FREM2: variants seen among roughly 807,000 people sequenced by gnomAD.
FREM2 encodes the protein FRAS1 related extracellular matrix 2, also known as FRAS1-related extracellular matrix protein 2.
A neutral mutation model predicts 219.9 loss-of-function variants in FREM2; 119 were observed. The ratio of observed to expected loss-of-function variants is 0.54; its 90% CI spans 0.47 to 0.63. FREM2 has a LOEUF of 0.63. FREM2 is among the 30% of genes least tolerant of loss of function. The probability of loss-of-function intolerance (pLI) is 0.00; values close to 1 mark genes in which losing one functional copy is unlikely to be tolerated. For missense variants in FREM2, 4,030 were observed against 3,993.6 expected, an observed-to-expected ratio of 1.01 and a Z score of -0.25; for synonymous variants, 1,562 against 1,522.8, an observed-to-expected ratio of 1.03 and a Z score of -0.60.
chr13:38,864,647 C>T (rs1259919189), intron 16 of FREM2, 41 bp downstream of exon 16: 2 of 1,553,306 alleles, frequency 1.3e-6, no homozygotes, highest in Non-Finnish European at 1.8e-6. Context: ...CTGGATAAAC[C>T]AATTGGTTTG....
chr13:38,757,429 T>G (rs1873056800), intron 2 of FREM2, among the ~76,000 whole-genome samples: 1 of 152,170 alleles, frequency 6.6e-6, no homozygotes, highest in Non-Finnish European at 1.5e-5. Context: ...TGACAATTAC[T>G]AAGATATCAT....
intron 2 of FREM2, among the ~76,000 whole-genome samples, chr13:38,748,116 G>C (rs974686932): frequency 6.6e-6 from 1 of 151,978 alleles, no homozygotes; most frequent in South Asian, 2.1e-4. Flanking sequence ...TCCCGCATTT[G>C]ACTAATTAAA....
At chr13:38,737,658 T>G (rs139087384) in intron 2 of FREM2, among the ~76,000 whole-genome samples, 56 of 152,282 alleles carry the variant, frequency 3.7e-4, no homozygotes, top group African/African-American at 1.3e-3. Flanking sequence ...ATTAAATACT[T>G]ATTAGAGTTG....
chr13:38,795,912 A>C (rs2137843919), intron 6 of FREM2, among the ~76,000 whole-genome samples: 1 of 152,318 alleles, frequency 6.6e-6, no homozygotes. Context: ...TGATGTTGAA[A>C]AATGACATGA....
intron 13 of FREM2, 113 bp from the exon 14 acceptor site, chr13:38,859,174 G>A (rs1877664420): frequency 1.0e-6 from 1 of 990,328 alleles, no homozygotes. Context: ...TGTATAAACA[G>A]CATGTGGAAA....
Position 38,689,889 on chromosome 13 carries a change from G to A in FREM2, c.2545G>A (p.Glu849Lys), listed in dbSNP as rs1320530967. Residue 849 changes from glutamate to lysine, a missense_variant, in exon 1 of 24, where the codon GAG becomes AAG. Physicochemically the swap from Glu to Lys is moderately conservative, Grantham distance 56. Around this residue, in one of 2 missense-constraint regions of FREM2, gnomAD observed 3,102 missense variants for 2,950.7 expected, o/e 1.05. Transcript: ENST00000280481. The part of the protein sequence containing the change: ...IQEKGHHILS[E>K]TELHVNDVDT... ...GGAGAAGGGTCACCACATCCTGAGT[G>A]AGACAGAGTTGCACGTGAATGATGT... 3 of 1,614,196 alleles carry A rather than the reference G, an allele frequency of 1.9e-6. No homozygotes were observed. The highest frequency in any genetic ancestry group is 2.5e-6 in the Non-Finnish European group (3 of 1,180,044).
At chr13:38,843,270 C>G (rs1877027405) in intron 6 of FREM2, among the ~76,000 whole-genome samples, 1 of 152,116 alleles carries the variant, frequency 6.6e-6, no homozygotes, top group East Asian at 1.9e-4. Flanking sequence ...TCCATTAAGT[C>G]TGTGAACTTA....
chr13:38,846,762 A>G (rs777435435), intron 7 of FREM2, 40 bp downstream of exon 7: 11 of 1,606,838 alleles, frequency 6.8e-6, no homozygotes, highest in South Asian at 4.4e-5. Context: ...TTGTTCTGCA[A>G]TTTTCAATGA....
intron 6 of FREM2, among the ~76,000 whole-genome samples, chr13:38,829,361 G>C (rs1467392878): frequency 1.3e-5 from 2 of 152,034 alleles, no homozygotes; most frequent in African/African-American, 4.8e-5. Flanking sequence ...CCAGAAATGA[G>C]GCCCTTTCAG....
chr13:38,781,503 A>G (rs944777635), intron 4 of FREM2, among the ~76,000 whole-genome samples: 1 of 151,952 alleles, frequency 6.6e-6, no homozygotes, highest in East Asian at 1.9e-4. Flanking sequence ...CCACCCCTCA[A>G]CTATAATAAA....
Position 38,859,534 on chromosome 13 carries a change from A to G in FREM2, c.7463A>G (p.Asn2488Ser), listed in dbSNP as rs1012230005. 1.4e-5 allele frequency: 22 copies of G among 1,613,976 alleles called. No homozygotes were observed. The highest frequency in any genetic ancestry group is 6.7e-5 in the African/African-American group (5 of 74,908). ...VQCAARAVNT[N>S]GDEGLELMSP... Reference sequence around the variant, plus strand: ...TGCGCAGCTCGTGCTGTGAACACCAATGGGGATGAAGGCCTGGAGCTCATG... The same window carrying G: ...TGCGCAGCTCGTGCTGTGAACACCAGTGGGGATGAAGGCCTGGAGCTCATG... The change falls in exon 14 of 24, where the codon AAT becomes AGT. Residue 2488 changes from asparagine to serine, a missense_variant. By Grantham distance (46) the Asn-to-Ser change is conservative. Transcript: ENST00000280481.
intron 2 of FREM2, among the ~76,000 whole-genome samples, chr13:38,763,139 C>T (rs533904304): frequency 6.6e-6 from 1 of 152,296 alleles, no homozygotes; most frequent in South Asian, 2.1e-4. Context: ...GTCCAAAAGG[C>T]TTGTGCTAAT....
chr13:38,730,003 T>A (rs897402875), intron 2 of FREM2, among the ~76,000 whole-genome samples: 2 of 152,262 alleles, frequency 1.3e-5, no homozygotes, highest in African/African-American at 4.8e-5. Flanking sequence ...GGATATTTTC[T>A]CTTTTTTGTA....
chr13:38,764,971 C>T (rs898917476), intron 3 of FREM2, among the ~76,000 whole-genome samples: 4 of 152,142 alleles, frequency 2.6e-5, no homozygotes, highest in Non-Finnish European at 5.9e-5. Context: ...AGTGCAGTGG[C>T]GTGATCTCAG....
intron 15 of FREM2, 126 bp downstream of exon 15, chr13:38,861,688 C>T: frequency 4.1e-6 from 4 of 982,924 alleles, no homozygotes; most frequent in Non-Finnish European, 6.5e-6. Flanking sequence ...AGCTTCAAGT[C>T]CTTCCACTTC....
intron 2 of FREM2, among the ~76,000 whole-genome samples, chr13:38,746,667 G>T (rs1324607977): frequency 2.0e-5 from 3 of 152,056 alleles, no homozygotes; most frequent in African/African-American, 7.2e-5. Context: ...CATTTTTTAG[G>T]CTGAATAACT....
rs1413067729 is a variant in FREM2, at chr13:38,721,360, G to A, written c.5263+23573G>A. 2.6e-4 allele frequency among the ~76,000 whole-genome samples: 39 copies of A among 152,122 alleles called. 1 individual carries two copies. The highest frequency in any genetic ancestry group is 2.5e-3 in the Admixed American group (38 of 15,276). On this transcript the variant is annotated intron_variant, in intron 2 of 23. Coordinates refer to ENST00000280481, the MANE Select transcript of FREM2 (RefSeq NM_207361.6). The stretch of plus-strand genomic sequence containing the variant: ...GAACATAGGTAGGGTCAGAGATGGA[G>A]AGAAAGCCATGTAAAACAAAGAGGC...
chr13:38,753,642 G>C (rs748271827), intron 2 of FREM2, among the ~76,000 whole-genome samples: 1 of 152,210 alleles, frequency 6.6e-6, no homozygotes, highest in Admixed American at 6.5e-5. Flanking sequence ...AAATTAGCTT[G>C]TAATTTAGAC....
chr13:38,823,110 A>G (rs922429744), intron 6 of FREM2, among the ~76,000 whole-genome samples: 2 of 152,006 alleles, frequency 1.3e-5, no homozygotes, highest in African/African-American at 2.4e-5. Flanking sequence ...ATCTTGGTGA[A>G]TGGTTCTATG....
Sources: gnomAD v4.1 joint callset for allele counts (sites outside exome capture counted in the v4.1 genomes callset) on GRCh38, gnomAD v4.1.1 for gene constraint, gnomAD v4.1.1 regional missense constraint, MANE v1.5 for transcripts, NCBI Gene and HGNC (gene_info 2026-07-23, HGNC 2026-07-21) for gene names.